PARD3: variants seen among roughly 807,000 people sequenced by gnomAD.
PARD3 encodes the protein partitioning defective 3 homolog.
Under a neutral mutation model 155.4 loss-of-function variants are expected in PARD3, and 75 were observed. That is an observed-to-expected ratio of 0.48 (90% CI 0.40 to 0.58). PARD3 has a LOEUF of 0.58. PARD3 is among the 20% of genes least tolerant of loss of function. PARD3 has a pLI of 0.00. For synonymous variants in PARD3, 576 were observed against 610.5 expected, an observed-to-expected ratio of 0.94 and a Z score of 0.83; for missense variants, 1,642 against 1,721.7, an observed-to-expected ratio of 0.95 and a Z score of 0.82.
At chr10:34,267,711 T>C (rs992237157) in intron 22 of PARD3, among the ~76,000 whole-genome samples, 1 of 152,232 alleles carries the variant, frequency 6.6e-6, no homozygotes, top group African/African-American at 2.4e-5. Flanking sequence ...AACACATGGA[T>C]GCTATGGATG....
At chr10:34,774,528 A>G (rs1839299613) in intron 1 of PARD3, among the ~76,000 whole-genome samples, 2 of 152,250 alleles carry the variant, frequency 1.3e-5, no homozygotes, top group Admixed American at 6.5e-5. Flanking sequence ...CATGAAAAAA[A>G]TACATATTGT....
intron 3 of PARD3, among the ~76,000 whole-genome samples, chr10:34,472,054 C>G (rs1485702157): frequency 6.6e-6 from 1 of 152,116 alleles, no homozygotes; most frequent in Admixed American, 6.5e-5. Context: ...CAAATTAGAA[C>G]TTATCAGAGC....
At position 34,111,090 on chromosome 10, in the gene PARD3, TA is replaced by T; in HGVS notation, c.*78del. The T allele has an allele frequency of 2.7e-6, 4 of 1,477,250 alleles. No homozygotes were observed. Among genetic ancestry groups the T allele is most frequent in the Admixed American group, 2.3e-5 (1 of 43,926 alleles). The allele number at this position is 1,477,250 out of a possible 1,614,324, so 91.5% of individuals were successfully genotyped here. The stretch of plus-strand genomic sequence containing the variant: ...ATACTCCATAGTACCATCGAGGTTT[TA>T]AAAAAACTCCCAAAATACAAGTCTT... On this transcript the variant is annotated 3_prime_UTR_variant, in exon 25 of 25. Transcript: ENST00000374788.
intron 5 of PARD3, chr10:34,426,638 A>AATAT (rs1243548757): frequency 2.0e-5 from 3 of 152,224 alleles, no homozygotes; most frequent in African/African-American, 7.2e-5. Flanking sequence ...ACTAATATCT[A>AATAT]GTGGCAAATA....
intron 1 of PARD3, among the ~76,000 whole-genome samples, chr10:34,735,875 C>A (rs1303476366): frequency 5.9e-5 from 9 of 152,110 alleles, no homozygotes; most frequent in Non-Finnish European, 1.0e-4. Context: ...GGTATACACT[C>A]CACTTGTGTA....
At chr10:34,796,962 A>G (rs1412574221) in intron 1 of PARD3, among the ~76,000 whole-genome samples, 1 of 152,228 alleles carries the variant, frequency 6.6e-6, no homozygotes, top group Non-Finnish European at 1.5e-5. Context: ...TCCAGCCTGG[A>G]TGGCAGGGCG....
chr10:34,283,318 T>C (rs966282531), intron 21 of PARD3, among the ~76,000 whole-genome samples: 7 of 152,082 alleles, frequency 4.6e-5, no homozygotes, highest in African/African-American at 1.7e-4. Context: ...TTATTCAAAG[T>C]AAAACAGGCA....
At chr10:34,603,625 C>G (rs941273442) in intron 2 of PARD3, among the ~76,000 whole-genome samples, 4 of 152,278 alleles carry the variant, frequency 2.6e-5, no homozygotes, top group African/African-American at 9.6e-5. Flanking sequence ...CGACTCATTT[C>G]TTTGCCATGA....
intron 22 of PARD3, among the ~76,000 whole-genome samples, chr10:34,225,264 A>G (rs1381386023): frequency 1.3e-5 from 2 of 152,220 alleles, no homozygotes; most frequent in Non-Finnish European, 2.9e-5. Flanking sequence ...GGACACGGAA[A>G]GTACCACAGA....
intron 2 of PARD3, among the ~76,000 whole-genome samples, chr10:34,551,610 C>T (rs564723161): frequency 2.0e-5 from 3 of 152,192 alleles, no homozygotes; most frequent in Admixed American, 6.5e-5. Flanking sequence ...CAAAACTAAG[C>T]GAGAAGAATC....
chr10:34,432,256 A>C lies in PARD3; in HGVS notation c.714+18061T>G. ...AACAAACAGATGGAGAGGGAGACAAATATTACATAGGTCTAGTCAAAAGGA... is the reference window on the plus strand; with the variant it reads ...AACAAACAGATGGAGAGGGAGACAACTATTACATAGGTCTAGTCAAAAGGA... On this transcript the variant is annotated intron_variant, in intron 5 of 24. Transcript: ENST00000374788. Among the ~76,000 whole-genome samples, 3 of 151,632 alleles carry C rather than the reference A, an allele frequency of 2.0e-5. No individual in the cohort carries two copies. In the South Asian group the frequency reaches 6.3e-4, roughly 32 times the overall value.
rs145066809 is a variant in PARD3, at chr10:34,425,385, A to T, written c.715-23468T>A. ...TAACAAACAACTCTCAACACATCAG[A>T]TTACTCACAAACGAAAATTCCACCA... On this transcript the variant is annotated intron_variant, in intron 5 of 24. Coordinates refer to ENST00000374788, the MANE Select transcript of PARD3 (RefSeq NM_001184785.2). 2.4e-3 allele frequency among the ~76,000 whole-genome samples: 369 copies of T among 152,266 alleles called. 2 individuals carry two copies. Among genetic ancestry groups the T allele is most frequent in the Non-Finnish European group, 3.9e-3 (264 of 68,020 alleles).
chr10:34,674,212 T>G (rs950974879), intron 2 of PARD3, among the ~76,000 whole-genome samples: 5 of 152,132 alleles, frequency 3.3e-5, no homozygotes, highest in African/African-American at 9.7e-5. Flanking sequence ...AAAGCACCTC[T>G]CCACAAGACA....
At chr10:34,686,287 T>C (rs548902239) in intron 2 of PARD3, among the ~76,000 whole-genome samples, 2 of 152,310 alleles carry the variant, frequency 1.3e-5, no homozygotes, top group South Asian at 4.1e-4. Flanking sequence ...AATTTTCCTA[T>C]GGCTCTTTTC....
chr10:34,317,656 T>C (rs1422544615), intron 19 of PARD3, among the ~76,000 whole-genome samples: 2 of 152,190 alleles, frequency 1.3e-5, no homozygotes, highest in East Asian at 3.9e-4. Flanking sequence ...AAGACCTTGT[T>C]ATACAGCGCA....
chr10:34,392,966 AAT>A (rs1455003185), intron 7 of PARD3, among the ~76,000 whole-genome samples: 1 of 152,066 alleles, frequency 6.6e-6, no homozygotes, highest in Admixed American at 6.6e-5. Context: ...TTCAGCCAGC[AAT>A]ATGTTTTTGT....
chr10:34,424,376 G>A (rs953361392), intron 5 of PARD3, among the ~76,000 whole-genome samples: 3 of 152,044 alleles, frequency 2.0e-5, no homozygotes. Context: ...AGATGTATTC[G>A]AGTAACAGAA....
intron 1 of PARD3, among the ~76,000 whole-genome samples, chr10:34,759,334 T>C (rs1837147001): frequency 6.6e-6 from 1 of 152,130 alleles, no homozygotes; most frequent in Non-Finnish European, 1.5e-5. Context: ...ACAATGTACA[T>C]AATATTTAAT....
intron 22 of PARD3, among the ~76,000 whole-genome samples, chr10:34,247,582 A>G (rs1185519749): frequency 6.6e-6 from 1 of 152,214 alleles, no homozygotes; most frequent in South Asian, 2.1e-4. Context: ...AGAATTTTTA[A>G]AAAGATGCTT....
Sources: gnomAD v4.1 joint callset for allele counts (sites outside exome capture counted in the v4.1 genomes callset) on GRCh38, gnomAD v4.1.1 for gene constraint, MANE v1.5 for transcripts, NCBI Gene and HGNC (gene_info 2026-07-23, HGNC 2026-07-21) for gene names.